The following NR2F2 variants were observed in gnomAD, a reference collection of about 807,000 sequenced individuals.
NR2F2 encodes nuclear receptor subfamily 2 group F member 2.
Under a neutral mutation model 34.8 loss-of-function variants are expected in NR2F2, and 2 were observed. That is an observed-to-expected ratio of 0.06 (90% confidence interval 0.02 to 0.18). The LOEUF (loss-of-function observed/expected upper bound fraction) is 0.18. Among genes scored for constraint, NR2F2 ranks in the 10% least tolerant of loss-of-function variants. The pLI is 1.00. For missense variants in NR2F2, 300 were observed against 580.1 expected, an observed-to-expected ratio of 0.52 and a Z score of 4.96; for synonymous variants, 274 against 251.8, an observed-to-expected ratio of 1.09 and a Z score of -0.84.
chr15:96,330,547 G>T (rs892153013), upstream of NR2F2, among the ~76,000 whole-genome samples: 2 of 147,982 alleles, frequency 1.4e-5, no homozygotes, highest in African/African-American at 4.9e-5. Context: ...GCCGCAGTCC[G>T]GCCAATGACG....
At chr15:96,333,705 C>T (rs1357541926) in intron 1 of NR2F2, 17 of 1,168,806 alleles carry the variant, frequency 1.5e-5, no homozygotes, top group Middle Eastern at 3.5e-4. Context: ...CCTCCCGCTC[C>T]CTCTCCTCCA....
chr15:96,336,113 G>C (rs1899316807), intron 2 of NR2F2, among the ~76,000 whole-genome samples: 1 of 152,072 alleles, frequency 6.6e-6, no homozygotes, highest in African/African-American at 2.4e-5. Context: ...TAATTTCTTG[G>C]TATCATTGCT....
Position 96,337,987 on chromosome 15 carries a change from CT to C in NR2F2, c.*375del, listed in dbSNP as rs986239265. ...AATTAGCAGAATGGAGAAAGTAAGTCTTTTTTTTTTCCAAATTATTAATTGT... is the reference window on the plus strand; with the variant it reads ...AATTAGCAGAATGGAGAAAGTAAGTCTTTTTTTTTCCAAATTATTAATTGT... On this transcript the variant is annotated 3_prime_UTR_variant, in exon 3 of 3. Coordinates refer to ENST00000394166, the MANE Select transcript of NR2F2 (RefSeq NM_021005.4). The C allele has an allele frequency of 1.1e-3, 181 of 165,822 alleles. No individual in the cohort carries two copies. Among genetic ancestry groups the C allele is most frequent in the African/African-American group, 2.0e-3 (84 of 41,172 alleles). 10.3% of individuals were successfully genotyped at this position (165,822 alleles called of 1,614,324 possible). A position where few individuals can be genotyped will look rare whatever the true frequency, so the allele number is the denominator to read the frequency against.
chr15:96,330,730 A>C lies in NR2F2; in HGVS notation c.-1376A>C. ...GCCACTTCTGCCAGCCCCGGCGCCT[A>C]TAAATCGCATTCCCTCCCGCGCCCC... On this transcript the variant is annotated 5_prime_UTR_variant, in exon 1 of 3. Transcript: ENST00000394166. 2 of 427,654 alleles carry C rather than the reference A, an allele frequency of 4.7e-6. No individual in the cohort carries two copies. Among genetic ancestry groups the C allele is most frequent in the Non-Finnish European group, 3.2e-6 (1 of 310,926 alleles). 26.5% of individuals were successfully genotyped at this position (427,654 alleles called of 1,614,324 possible).
At position 96,331,382 on chromosome 15, in the gene NR2F2, A is replaced by G. The variant is rs1398614224; in HGVS notation, c.-724A>G. The G allele has an allele frequency of 4.1e-6, 5 of 1,224,426 alleles. No homozygotes were observed. The highest frequency in any genetic ancestry group is 4.1e-6 in the Non-Finnish European group (4 of 983,598). 75.8% of individuals were successfully genotyped at this position (1,224,426 alleles called of 1,614,324 possible). A position where few individuals can be genotyped will look rare whatever the true frequency, so the allele number is the denominator to read the frequency against. On this transcript the variant is annotated 5_prime_UTR_variant, in exon 1 of 3. Transcript: ENST00000394166. ...CCCGGACCCGGGCAGCGCTCCGGCC[A>G]CTCCGCGGGCCGCCGGCCTCCGCCC... is the stretch of plus-strand genomic sequence containing the variant.
Position 96,330,820 on chromosome 15 carries a change from GC to G in NR2F2, c.-1285del. 2.7e-6 allele frequency: 3 copies of G among 1,123,580 alleles called. No homozygotes were observed. The highest frequency in any genetic ancestry group is 3.3e-6 in the Non-Finnish European group (3 of 911,794). 69.6% of individuals were successfully genotyped at this position (1,123,580 alleles called of 1,614,324 possible). On this transcript the variant is annotated 5_prime_UTR_variant, in exon 1 of 3. Coordinates refer to ENST00000394166, the MANE Select transcript of NR2F2 (RefSeq NM_021005.4). ...TTCTCTCCGCGGTGTGTGTGTGCGT[GC>G]GCGCGTGTGTGTTTTCTTCTTCTCC... is the stretch of plus-strand genomic sequence containing the variant.
In NR2F2 at chr15:96,334,528, G is replaced by A; in HGVS notation, c.895G>A (p.Val299Met). ...CCACATACGGATCTTCCAAGAGCAAGTGGAGAAGCTCAAGGCGCTGCACGT... is the reference window on the plus strand; with the variant it reads ...CCACATACGGATCTTCCAAGAGCAAATGGAGAAGCTCAAGGCGCTGCACGT... ...MDHIRIFQEQVEKLKALHVDS... is the reference protein window; with the variant it reads ...MDHIRIFQEQMEKLKALHVDS... Residue 299 changes from valine (V) to methionine (M), a missense_variant, in exon 2 of 3, where the codon GTG (valine) becomes ATG (methionine). Val to Met is a conservative substitution (Grantham distance 21). Coordinates refer to ENST00000394166, the MANE Select transcript of NR2F2 (RefSeq NM_021005.4). The A allele has an allele frequency of 6.2e-7, 1 of 1,613,696 alleles. No individual in the cohort carries two copies. The highest frequency in any genetic ancestry group is 8.5e-7 in the Non-Finnish European group (1 of 1,180,018).
intron 2 of NR2F2, among the ~76,000 whole-genome samples, chr15:96,336,049 C>A (rs1394126860): frequency 6.6e-6 from 1 of 152,192 alleles, no homozygotes; most frequent in African/African-American, 2.4e-5. Context: ...CACCTTCACC[C>A]CTGTCCCACA....
At chr15:96,332,596 G>T in intron 1 of NR2F2, 49 bp downstream of exon 1, 1 of 1,587,746 alleles carries the variant, frequency 6.3e-7, no homozygotes. Flanking sequence ...CCGGGGTCCT[G>T]GGTACGTTTG....
chr15:96,339,659 A>T lies in NR2F2; in HGVS notation c.*2037A>T, dbSNP rs74032492. ...GACAGAGAAAAAGAAAGAAGGAAGG[A>T]GGGAAACTTTACAGGGTGTGCTGAT... On this transcript the variant is annotated 3_prime_UTR_variant, in exon 3 of 3. Coordinates refer to ENST00000394166, the MANE Select transcript of NR2F2 (RefSeq NM_021005.4). 1 of 152,354 alleles carries T rather than the reference A, an allele frequency of 6.6e-6. No homozygotes were observed. The highest frequency in any genetic ancestry group is 2.4e-5 in the African/African-American group (1 of 41,578). The allele number at this position is 152,354 out of a possible 1,614,324, so 9.4% of individuals were successfully genotyped here.
Position 96,332,115 on chromosome 15 carries a change from G to A in NR2F2, c.10G>A (p.Val4Ile). 2 of 1,345,548 alleles carry A rather than the reference G, an allele frequency of 1.5e-6. No homozygotes were observed. Among genetic ancestry groups the A allele is most frequent in the Non-Finnish European group, 1.9e-6 (2 of 1,048,750 alleles). 83.4% of individuals were successfully genotyped at this position (1,345,548 alleles called of 1,614,324 possible). ...CGCAGCCCCCATAGATATGGCAATG[G>A]TAGTCAGCACGTGGCGCGACCCCCA... is the stretch of plus-strand genomic sequence containing the variant. MAM[V>I]VSTWRDPQDE... Residue 4 changes from valine to isoleucine, a missense_variant, in exon 1 of 3, where the codon GTA (valine) becomes ATA (isoleucine). Val to Ile is a conservative substitution (Grantham distance 29, BLOSUM62 3). This residue lies in a region of NR2F2 where 105 missense variants were observed against 107.8 expected (regional missense o/e 0.97). Coordinates refer to ENST00000394166, the MANE Select transcript of NR2F2 (RefSeq NM_021005.4).
intron 2 of NR2F2, among the ~76,000 whole-genome samples, chr15:96,336,873 C>T (rs977959329): frequency 2.0e-5 from 3 of 152,064 alleles, no homozygotes; most frequent in African/African-American, 4.8e-5. Context: ...GGATCGTGGA[C>T]GCCATTACTC....
Position 96,331,599 on chromosome 15 carries a change from T to A in NR2F2, c.-507T>A. The A allele has an allele frequency of 8.4e-7, 1 of 1,189,690 alleles. No homozygotes were observed. The highest frequency in any genetic ancestry group is 1.0e-6 in the Non-Finnish European group (1 of 953,508). 73.7% of individuals were successfully genotyped at this position (1,189,690 alleles called of 1,614,324 possible). A position where few individuals can be genotyped will look rare whatever the true frequency, so the allele number is the denominator to read the frequency against. ...TTCCTCCTCCTCCTCCTCCTCCTCC[T>A]CCGCCAACTCCTCGGCTGCACACCA... On this transcript the variant is annotated 5_prime_UTR_variant, in exon 1 of 3. Transcript: ENST00000394166.
Position 96,331,001 on chromosome 15 carries a change from TC to T in NR2F2, c.-1100del. On this transcript the variant is annotated 5_prime_UTR_variant, in exon 1 of 3. Transcript: ENST00000394166. The stretch of plus-strand genomic sequence containing the variant: ...CCTCCTCTCTCTCTTTTATCATTTC[TC>T]CCCCGCCGCCGGCGAGTTGACTCTT... 1 of 1,217,278 alleles carries T rather than the reference TC, an allele frequency of 8.2e-7. No individual in the cohort carries two copies. The highest frequency in any genetic ancestry group is 1.0e-6 in the Non-Finnish European group (1 of 978,774). 75.4% of individuals were successfully genotyped at this position (1,217,278 alleles called of 1,614,324 possible). A position where few individuals can be genotyped will look rare whatever the true frequency, so the allele number is the denominator to read the frequency against.
rs986239265 is a variant in NR2F2 at position 96,337,987 on chromosome 15, CTTTT to C, written c.*372_*375del. On this transcript the variant is annotated 3_prime_UTR_variant, in exon 3 of 3. Coordinates refer to ENST00000394166, the MANE Select transcript of NR2F2 (RefSeq NM_021005.4). ...AATTAGCAGAATGGAGAAAGTAAGT[CTTTT>C]TTTTTTCCAAATTATTAATTGTCCT... The C allele has an allele frequency of 6.0e-6, 1 of 165,390 alleles. No individual in the cohort carries two copies. Among genetic ancestry groups the C allele is most frequent in the African/African-American group, 2.4e-5 (1 of 41,058 alleles). 10.2% of individuals were successfully genotyped at this position (165,390 alleles called of 1,614,324 possible).
At position 96,332,201 on chromosome 15, in the gene NR2F2, G is replaced by C. The variant is rs779803457; in HGVS notation, c.96G>C (p.Pro32=). The change falls in exon 1 of 3, where the codon CCG becomes CCC. Residue 32 remains proline, a synonymous_variant. Transcript: ENST00000394166. The part of the protein sequence containing the change: ...QASQAPPVPG[P]PPGAPHTPQT... ...CGCAGGCGCCGCCCGTGCCCGGCCC[G>C]CCGCCCGGCGCCCCGCACACGCCAC... 2 of 1,336,440 alleles carry C rather than the reference G, an allele frequency of 1.5e-6. No homozygotes were observed. The highest frequency in any genetic ancestry group is 2.1e-5 in the South Asian group (1 of 48,402). The allele number at this position is 1,336,440 out of a possible 1,614,324, so 82.8% of individuals were successfully genotyped here. A position where few individuals can be genotyped will look rare whatever the true frequency, so the allele number is the denominator to read the frequency against.
rs1221541615 is a variant in NR2F2 at position 96,331,104 on chromosome 15, TCAG to T, written c.-1000_-998del. 1.7e-6 allele frequency: 2 copies of T among 1,210,288 alleles called. No individual in the cohort carries two copies. Among genetic ancestry groups the T allele is most frequent in the Non-Finnish European group, 2.1e-6 (2 of 975,222 alleles). 75.0% of individuals were successfully genotyped at this position (1,210,288 alleles called of 1,614,324 possible). On this transcript the variant is annotated 5_prime_UTR_variant, in exon 1 of 3. Coordinates refer to ENST00000394166, the MANE Select transcript of NR2F2 (RefSeq NM_021005.4). ...GGCGGCAGCAGCGGCAGCAGCGACT[TCAG>T]CGGCGGCGGCGGCGCTAGACGCAGC...
rs1055969188 is a variant in NR2F2, at chr15:96,333,477, T to C, written c.443-599T>C. ...TTCCTCTCTCTTTAGCCGGCCTCTC[T>C]CTCTCCGCCCTCTCCCTCCGTCTCT... On this transcript the variant is annotated intron_variant, in intron 1 of 2. Transcript: ENST00000394166. 1.9e-5 allele frequency: 19 copies of C among 1,003,060 alleles called. 1 individual carries two copies. The South Asian group carries it at 3.3e-4, about 17-fold the overall frequency. 62.1% of individuals were successfully genotyped at this position (1,003,060 alleles called of 1,614,324 possible).
chr15:96,337,884 A>C lies in NR2F2; in HGVS notation c.*262A>C, dbSNP rs1034863506. 3 of 335,042 alleles carry C rather than the reference A, an allele frequency of 9.0e-6. No homozygotes were observed. Among genetic ancestry groups the C allele is most frequent in the African/African-American group, 2.1e-5 (1 of 47,152 alleles). The allele number at this position is 335,042 out of a possible 1,614,324, so 20.8% of individuals were successfully genotyped here. ...TTGCTACTTATCATTTTTGTATAAA[A>C]AGGAAATTAGTCTTTTTCTTTTTTT... On this transcript the variant is annotated 3_prime_UTR_variant, in exon 3 of 3. Coordinates refer to ENST00000394166, the MANE Select transcript of NR2F2 (RefSeq NM_021005.4).
Sources: allele counts gnomAD v4.1 joint callset (sites outside exome capture counted in the v4.1 genomes callset), GRCh38; gene constraint gnomAD v4.1.1; regional missense constraint gnomAD v4.1.1; transcripts MANE v1.5; gene names NCBI Gene and HGNC (gene_info 2026-07-23, HGNC 2026-07-21).